The following FOXP1 variants were observed in gnomAD, a reference collection of about 807,000 sequenced individuals.
FOXP1 encodes the protein forkhead box P1, also known as forkhead box protein P1.
A neutral mutation model predicts 98.2 loss-of-function variants in FOXP1; 15 were observed. That is an observed-to-expected ratio of 0.15 (90% CI 0.10 to 0.24). The LOEUF (loss-of-function observed/expected upper bound fraction) is 0.24, where lower values mean the gene tolerates loss of function less well. Ranked by LOEUF, FOXP1 falls within the 10% of genes least tolerant of loss-of-function variation. The probability of loss-of-function intolerance (pLI) is 1.00; values close to 1 mark genes in which losing one functional copy is unlikely to be tolerated. For missense variants in FOXP1, 633 were observed against 848.5 expected, an observed-to-expected ratio of 0.75 and a Z score of 3.15; for synonymous variants, 371 against 314.5, an observed-to-expected ratio of 1.18 and a Z score of -1.90.
At chr3:71,310,729 A>G (rs528372151) in intron 4 of FOXP1, among the ~76,000 whole-genome samples, 3 of 152,336 alleles carry the variant, frequency 2.0e-5, no homozygotes, top group African/African-American at 7.2e-5. Flanking sequence ...GATCGTCTGT[A>G]GGACACACAC....
chr3:71,562,493 G>A (rs1466570872), intron 2 of FOXP1, among the ~76,000 whole-genome samples: 2 of 152,134 alleles, frequency 1.3e-5, no homozygotes, highest in African/African-American at 4.8e-5. Flanking sequence ...CTGGATTCTT[G>A]ACTAGGCACA....
chr3:71,310,556 G>C (rs1012821379), intron 4 of FOXP1, among the ~76,000 whole-genome samples: 1 of 152,208 alleles, frequency 6.6e-6, no homozygotes, highest in East Asian at 1.9e-4. Flanking sequence ...CAGGCAGAGG[G>C]CCACGTCTGG....
chr3:71,400,773 TA>T (rs765198940), intron 3 of FOXP1, among the ~76,000 whole-genome samples: 1 of 152,222 alleles, frequency 6.6e-6, no homozygotes, highest in Non-Finnish European at 1.5e-5. Flanking sequence ...TTTTTGTTTT[TA>T]AAAGAGAACA....
At chr3:71,301,680 AGGCCT>A (rs2073858109) in intron 4 of FOXP1, among the ~76,000 whole-genome samples, 1 of 152,216 alleles carries the variant, frequency 6.6e-6, no homozygotes, top group Non-Finnish European at 1.5e-5. Flanking sequence ...GCCATCATAT[AGGCCT>A]GGCAAACAAC....
intron 13 of FOXP1, among the ~76,000 whole-genome samples, chr3:70,997,985 T>C (rs1344136555): frequency 6.6e-6 from 1 of 152,176 alleles, no homozygotes; most frequent in Non-Finnish European, 1.5e-5. Context: ...GAAGAGCTAG[T>C]AGGGAAAATT....
intron 5 of FOXP1, among the ~76,000 whole-genome samples, chr3:71,234,122 G>T (rs2066572491): frequency 6.6e-6 from 1 of 151,072 alleles, no homozygotes; most frequent in Admixed American, 6.6e-5. Context: ...TCAATGAAAA[G>T]TCATTAAAAT....
At chr3:71,172,216 A>G (rs2061687942) in intron 6 of FOXP1, among the ~76,000 whole-genome samples, 1 of 152,154 alleles carries the variant, frequency 6.6e-6, no homozygotes, top group South Asian at 2.1e-4. Context: ...TAAAATGAAA[A>G]GTTTCTGATA....
At chr3:70,994,715 A>G (rs918795758) in intron 13 of FOXP1, among the ~76,000 whole-genome samples, 1 of 152,178 alleles carries the variant, frequency 6.6e-6, no homozygotes, top group African/African-American at 2.4e-5. Context: ...TACAAGGTAC[A>G]CACACCTCCA....
intron 14 of FOXP1, among the ~76,000 whole-genome samples, chr3:70,981,798 A>G (rs907237977): frequency 6.6e-6 from 1 of 152,194 alleles, no homozygotes; most frequent in African/African-American, 2.4e-5. Flanking sequence ...CTAATGACAC[A>G]TATACATATT....
At chr3:71,148,490 T>A (rs1244588935) in intron 6 of FOXP1, among the ~76,000 whole-genome samples, 1 of 152,248 alleles carries the variant, frequency 6.6e-6, no homozygotes, top group Non-Finnish European at 1.5e-5. Context: ...ACTGATTTGT[T>A]TTTATTACAT....
At chr3:71,048,987 C>T (rs566717472) in intron 9 of FOXP1, among the ~76,000 whole-genome samples, 14 of 152,192 alleles carry the variant, frequency 9.2e-5, no homozygotes, top group African/African-American at 2.6e-4. Context: ...GTATACAAGG[C>T]CCATTGTCCA....
At chr3:71,124,673 A>G (rs1433967356) in intron 6 of FOXP1, among the ~76,000 whole-genome samples, 3 of 151,874 alleles carry the variant, frequency 2.0e-5, no homozygotes, top group Non-Finnish European at 2.9e-5. Flanking sequence ...AAAGAGAAAC[A>G]TAAGACCAGA....
chr3:71,518,590 G>A lies in FOXP1; in HGVS notation c.-297-25035C>T, dbSNP rs149212703. ...CAGGTCCATACAATTTTACTTACAT[G>A]ACCCTTGCTCTTTTCTCAAGTTGGC... On this transcript the variant is annotated intron_variant, in intron 2 of 20. Coordinates refer to ENST00000649528, the MANE Select transcript of FOXP1 (RefSeq NM_001349338.3). Among the ~76,000 whole-genome samples, 602 of 152,216 alleles carry A rather than the reference G, an allele frequency of 4.0e-3. 5 individuals are homozygous for A. The highest frequency in any genetic ancestry group is 0.014 in the African/African-American group (567 of 41,512).
At chr3:70,959,544 G>C (rs993665811) in intron 20 of FOXP1, among the ~76,000 whole-genome samples, 153 bp from the exon 21 acceptor site, 2 of 152,138 alleles carry the variant, frequency 1.3e-5, no homozygotes, top group Admixed American at 6.5e-5. Context: ...TCTTTAAATT[G>C]AAATGAACGA....
At chr3:71,083,755 G>T (rs748573808) in intron 7 of FOXP1, among the ~76,000 whole-genome samples, 14 of 152,152 alleles carry the variant, frequency 9.2e-5, no homozygotes, top group Non-Finnish European at 1.8e-4. Flanking sequence ...TGAGTGCCTG[G>T]TTCCAGCTGG....
intron 6 of FOXP1, among the ~76,000 whole-genome samples, chr3:71,156,381 C>A (rs1320367716): frequency 6.6e-6 from 1 of 152,156 alleles, no homozygotes; most frequent in Admixed American, 6.5e-5. Flanking sequence ...ACATTGCCAG[C>A]CTCAAAGGCC....
At chr3:71,095,497 A>C (rs1317359835) in intron 7 of FOXP1, among the ~76,000 whole-genome samples, 2 of 152,350 alleles carry the variant, frequency 1.3e-5, no homozygotes, top group South Asian at 4.1e-4. Context: ...TAAGAGGCCC[A>C]GTTGGTCTTC....
intron 5 of FOXP1, among the ~76,000 whole-genome samples, chr3:71,229,787 A>G (rs971653631): frequency 6.6e-6 from 1 of 152,158 alleles, no homozygotes; most frequent in Non-Finnish European, 1.5e-5. Context: ...GGTTCTCCGT[A>G]CCATCTCCTT....
At chr3:71,101,678 CAAAA>C (rs75384060) in intron 7 of FOXP1, among the ~76,000 whole-genome samples, 2 of 72,600 alleles carry the variant, frequency 2.8e-5, no homozygotes, top group Admixed American at 1.4e-4. Flanking sequence ...TGGGAAAAAG[CAAAA>C]AAAAAAAAAA....
Sources: allele counts gnomAD v4.1 joint callset (sites outside exome capture counted in the v4.1 genomes callset), GRCh38; gene constraint gnomAD v4.1.1; transcripts MANE v1.5; gene names NCBI Gene and HGNC (gene_info 2026-07-23, HGNC 2026-07-21).